The following CMIP variants were observed in gnomAD, a reference collection of about 807,000 sequenced individuals.
CMIP encodes c-Maf inducing protein.
In CMIP, 13 loss-of-function variants were observed where a neutral mutation model predicts 97.3. The observed-to-expected ratio is 0.13, with a 90% CI of 0.09 to 0.21. CMIP has a LOEUF of 0.21. Among genes scored for constraint, CMIP ranks in the 10% least tolerant of loss-of-function variants. CMIP has a pLI of 1.00. For missense variants in CMIP, 847 were observed against 1,024.9 expected (o/e 0.83, Z 2.37); for synonymous variants, 538 against 436.3 (o/e 1.23, Z -2.91).
chr16:81,572,354 A>G (rs570215099), intron 1 of CMIP, among the ~76,000 whole-genome samples: 2 of 152,336 alleles, frequency 1.3e-5, no homozygotes, highest in East Asian at 3.9e-4. Context: ...GCTCTTGGAA[A>G]GAGCCCCCAC....
At chr16:81,465,383 C>G (rs911890582) in intron 1 of CMIP, among the ~76,000 whole-genome samples, 18 of 152,198 alleles carry the variant, frequency 1.2e-4, no homozygotes, top group African/African-American at 4.1e-4. Flanking sequence ...GCTGGACTTT[C>G]ACTACCACCA....
chr16:81,671,968 T>C lies in CMIP; in HGVS notation c.932T>C (p.Met311Thr). Residue 311 changes from methionine (M) to threonine (T), a missense_variant and splice_region_variant, in exon 9 of 21, where the codon ATG becomes ACG. By Grantham distance (81) the Met-to-Thr change is moderately conservative. This residue lies in a region of CMIP where 285 missense variants were observed against 392.2 expected (regional missense o/e 0.73). Transcript: ENST00000537098. ...CCCAGCCCTCTGCTTTTTTCCAGCA[T>C]GCACGGCCCCACAGGGCACTGCCCC... Reference protein sequence around the residue: ...MEVVKKFIQSMHGPTGHCPHP... With the variant: ...MEVVKKFIQSTHGPTGHCPHP... 1 of 1,569,826 alleles carries C rather than the reference T, an allele frequency of 6.4e-7. No homozygotes were observed. Among genetic ancestry groups the C allele is most frequent in the Admixed American group, 1.8e-5 (1 of 55,268 alleles).
chr16:81,459,061 TGTCACC>T (rs139410059), intron 1 of CMIP, among the ~76,000 whole-genome samples: 34,559 of 150,048 alleles, frequency 0.23, 4,054 homozygotes, highest in East Asian at 0.29. Context: ...TCACCATCAC[TGTCACC>T]GTCACCGTCA....
chr16:81,537,376 A>C (rs2090362768), intron 1 of CMIP, among the ~76,000 whole-genome samples: 1 of 151,756 alleles, frequency 6.6e-6, no homozygotes, highest in Non-Finnish European at 1.5e-5. Flanking sequence ...CTCTACTAAA[A>C]ATACAAAAAT....
At chr16:81,596,323 T>G (rs1251696852) in intron 1 of CMIP, among the ~76,000 whole-genome samples, 2 of 151,954 alleles carry the variant, frequency 1.3e-5, no homozygotes, top group Non-Finnish European at 2.9e-5. Context: ...CTGGCCAACA[T>G]GATGAAACCC....
intron 1 of CMIP, among the ~76,000 whole-genome samples, chr16:81,549,564 T>C (rs1328838816): frequency 1.3e-5 from 2 of 152,108 alleles, no homozygotes; most frequent in Non-Finnish European, 2.9e-5. Context: ...CGGAGGATAT[T>C]GAAGAAGCGG....
At chr16:81,447,661 AG>A (rs1290379445) in intron 1 of CMIP, among the ~76,000 whole-genome samples, 1 of 152,210 alleles carries the variant, frequency 6.6e-6, no homozygotes, top group Non-Finnish European at 1.5e-5. Flanking sequence ...ATGTGGCAAG[AG>A]GAACTATAAG....
At chr16:81,498,632 C>A (rs140927528) in intron 1 of CMIP, among the ~76,000 whole-genome samples, 2 of 152,238 alleles carry the variant, frequency 1.3e-5, no homozygotes, top group Admixed American at 1.3e-4. Flanking sequence ...CATGGCTGCA[C>A]ACACTTGCAT....
intron 1 of CMIP, among the ~76,000 whole-genome samples, chr16:81,570,590 G>A (rs574559628): frequency 4.6e-5 from 7 of 152,310 alleles, no homozygotes; most frequent in Middle Eastern, 6.8e-3. Context: ...AGAGTCTCCA[G>A]ACTGATCCCC....
intron 15 of CMIP, among the ~76,000 whole-genome samples, chr16:81,701,400 ACCGCACGGTAAGCAGATG>A (rs1260688557): frequency 1.3e-5 from 2 of 152,218 alleles, no homozygotes. Context: ...ATGTCCAGAC[ACCGCACGGTAAGCAGATG>A]CCTGGGAGAC....
intron 1 of CMIP, among the ~76,000 whole-genome samples, chr16:81,585,071 G>A (rs182582106): frequency 6.6e-6 from 1 of 152,350 alleles, no homozygotes; most frequent in Admixed American, 6.5e-5. Context: ...GCCAGGCATG[G>A]TGGCTCACGC....
At chr16:81,460,249 T>TG (rs1423882062) in intron 1 of CMIP, among the ~76,000 whole-genome samples, 1 of 152,140 alleles carries the variant, frequency 6.6e-6, no homozygotes, top group African/African-American at 2.4e-5. Context: ...GTGGAGAGCC[T>TG]GGGGGAGATG....
intron 1 of CMIP, among the ~76,000 whole-genome samples, chr16:81,501,138 T>C (rs970661684): frequency 6.6e-5 from 10 of 152,256 alleles, no homozygotes; most frequent in African/African-American, 2.4e-4. Flanking sequence ...CGTCCTCCGT[T>C]TTCCTGGAGA....
chr16:81,626,640 A>AGT (rs199510902), intron 3 of CMIP, among the ~76,000 whole-genome samples: 1,332 of 99,212 alleles, frequency 0.013, 26 homozygotes, highest in African/African-American at 0.049. Flanking sequence ...GTGGCTTATG[A>AGT]GTGTGTGTGT....
chr16:81,482,933 C>A (rs538037533), intron 1 of CMIP, among the ~76,000 whole-genome samples: 1 of 152,362 alleles, frequency 6.6e-6, no homozygotes, highest in South Asian at 2.1e-4. Flanking sequence ...CAGCAGATGG[C>A]GGTGGCGCGT....
At chr16:81,564,788 A>G (rs1567582594) in intron 1 of CMIP, among the ~76,000 whole-genome samples, 1 of 152,230 alleles carries the variant, frequency 6.6e-6, no homozygotes, top group Non-Finnish European at 1.5e-5. Context: ...TGTTCGATGA[A>G]TATTTGATGA....
Position 81,707,083 on chromosome 16 carries a change from A to T in CMIP, c.2267A>T (p.Lys756Met), listed in dbSNP as rs755010130. The T allele has an allele frequency of 6.2e-7, 1 of 1,613,468 alleles. No individual in the cohort carries two copies. Among genetic ancestry groups the T allele is most frequent in the South Asian group, 1.1e-5 (1 of 91,072 alleles). Residue 756 changes from lysine (K) to methionine (M), a missense_variant and splice_region_variant, in exon 20 of 21, where the codon AAG becomes ATG. Transcript: ENST00000537098. ...KLSADTYEDLKAKLPNLKEVD... is the reference protein window; with the variant it reads ...KLSADTYEDLMAKLPNLKEVD... ...TCAGCTGACACCTACGAAGATCTGA[A>T]GGTAATTCCCTCCTTCCTCCCCACT...
chr16:81,565,313 CCT>C (rs1239017469), intron 1 of CMIP, among the ~76,000 whole-genome samples: 1 of 152,178 alleles, frequency 6.6e-6, no homozygotes, highest in East Asian at 1.9e-4. Context: ...AGAAGAGGAG[CCT>C]CTCTCCCTGT....
rs770672292 is a variant in CMIP at position 81,699,769 on chromosome 16, C to T, written c.1723C>T (p.Leu575=). The T allele has an allele frequency of 4.3e-6, 7 of 1,613,410 alleles. No individual in the cohort carries two copies. The African/African-American group carries it at 8.0e-5, about 18-fold the overall frequency. The change falls in exon 15 of 21, where the codon CTG becomes TTG. Residue 575 remains leucine (L), a synonymous_variant. Coordinates refer to ENST00000537098, the MANE Select transcript of CMIP (RefSeq NM_198390.3). ...AENKLGPCML[L]ALRGNQTMVE... ...AAACAAGCTGGGTCCCTGCATGCTC[C>T]TGGCACTGAGGGGGAACCAGACCAT...
Sources: gnomAD v4.1 joint callset for allele counts (sites outside exome capture counted in the v4.1 genomes callset) on GRCh38, gnomAD v4.1.1 for gene constraint, gnomAD v4.1.1 regional missense constraint, MANE v1.5 for transcripts, NCBI Gene and HGNC (gene_info 2026-07-23, HGNC 2026-07-21) for gene names.